Variants in PARP9 observed in about 807,000 individuals in gnomAD.
PARP9 encodes the protein protein mono-ADP-ribosyltransferase PARP9.
In PARP9, 48 loss-of-function variants were observed where a neutral mutation model predicts 68.8. The ratio of observed to expected loss-of-function variants is 0.70; its 90% CI spans 0.55 to 0.89. PARP9 has a LOEUF of 0.89. PARP9 is among the 40% of genes least tolerant of loss of function. The pLI is 0.00. For synonymous variants in PARP9, 309 were observed against 333.8 expected (o/e 0.93, Z 0.81); for missense variants, 806 against 969.3 (o/e 0.83, Z 2.24).
In PARP9 at chr3:122,555,848, A is replaced by C; in HGVS notation, c.323T>G (p.Leu108Arg). ...CAGGGCCAGGCCTCCCCCATGCAGA[A>C]GATCTTCATTGGCTGCATTCACCAC... is the stretch of plus-strand genomic sequence containing the variant. The part of the protein sequence containing the change: ...DAVVNAANED[L>R]LHGGGLALAL... Residue 108 changes from leucine to arginine, a missense_variant, in exon 4 of 11, where the codon CTT becomes CGT. By Grantham distance (102) the Leu-to-Arg change is moderately radical. Transcript: ENST00000682323. 1 of 1,614,086 alleles carries C rather than the reference A, an allele frequency of 6.2e-7. No homozygotes were observed. The highest frequency in any genetic ancestry group is 8.5e-7 in the Non-Finnish European group (1 of 1,180,006).
At chr3:122,563,776 C>A (rs1018630396) in intron 1 of PARP9, among the ~76,000 whole-genome samples, 7 of 152,096 alleles carry the variant, frequency 4.6e-5, no homozygotes, top group Admixed American at 2.0e-4. Context: ...CCCTTGGAGG[C>A]CTTGGAGAAG....
chr3:122,557,121 T>C (rs1330991319), intron 3 of PARP9, among the ~76,000 whole-genome samples: 2 of 152,014 alleles, frequency 1.3e-5, no homozygotes. Context: ...CTGTTATCAA[T>C]TGATGGTAAG....
intron 10 of PARP9, among the ~76,000 whole-genome samples, chr3:122,530,108 T>C (rs778079938): frequency 6.8e-5 from 10 of 146,390 alleles, no homozygotes; most frequent in Non-Finnish European, 1.3e-4. Flanking sequence ...ACTCAGGAGG[T>C]TGAGGTTGCA....
At chr3:122,541,193 T>C (rs1393429639) in intron 7 of PARP9, among the ~76,000 whole-genome samples, 1 of 152,232 alleles carries the variant, frequency 6.6e-6, no homozygotes. Flanking sequence ...CCCGGCCGAC[T>C]AGTGGGTTTT....
intron 7 of PARP9, among the ~76,000 whole-genome samples, chr3:122,541,536 T>C (rs187969671): frequency 6.6e-6 from 1 of 152,342 alleles, no homozygotes; most frequent in Admixed American, 6.5e-5. Flanking sequence ...CAAACATCTC[T>C]GAAAGACACA....
chr3:122,530,783 C>G (rs533246480), intron 10 of PARP9, among the ~76,000 whole-genome samples: 1 of 152,270 alleles, frequency 6.6e-6, no homozygotes, highest in South Asian at 2.1e-4. Context: ...TTTAAAACTT[C>G]CAGGCTGAGT....
upstream of PARP9, chr3:122,564,416 C>T (rs372600946): frequency 1.2e-5 from 20 of 1,602,698 alleles, no homozygotes; most frequent in Non-Finnish European, 1.6e-5. Flanking sequence ...GCCCTCCCGA[C>T]GCGCAGAGCC....
In PARP9 at chr3:122,549,195, T is replaced by C. The variant is rs545256701; in HGVS notation, c.1326+1389A>G. On this transcript the variant is annotated intron_variant, in intron 6 of 10. Coordinates refer to ENST00000682323, the MANE Select transcript of PARP9 (RefSeq NM_001146105.2). Reference sequence around the variant, plus strand: ...ACGCCTGGCTAATTTTTTGTATTTTTAGTAGAAACGGGATTTCATCATGTT... The same window carrying C: ...ACGCCTGGCTAATTTTTTGTATTTTCAGTAGAAACGGGATTTCATCATGTT... Among the ~76,000 whole-genome samples, 4 of 152,186 alleles carry C rather than the reference T, an allele frequency of 2.6e-5. No individual in the cohort carries two copies. The East Asian group carries it at 7.7e-4, about 29-fold the overall frequency.
chr3:122,559,901 T>C (rs1327113066), intron 1 of PARP9, among the ~76,000 whole-genome samples, 192 bp from the exon 2 acceptor site: 1 of 152,200 alleles, frequency 6.6e-6, no homozygotes, highest in Non-Finnish European at 1.5e-5. Context: ...GAGGTTCCAG[T>C]GGAAATCATA....
At chr3:122,544,651 T>C (rs1178446308) in intron 7 of PARP9, among the ~76,000 whole-genome samples, 2 of 151,804 alleles carry the variant, frequency 1.3e-5, no homozygotes, top group Non-Finnish European at 2.9e-5. Context: ...ACCCCGTCTC[T>C]ACCAAAAAAA....
intron 9 of PARP9, 36 bp downstream of exon 9, chr3:122,536,898 C>G (rs2107581672): frequency 6.3e-7 from 1 of 1,584,038 alleles, no homozygotes; most frequent in Non-Finnish European, 8.6e-7. Context: ...TAATTAACAA[C>G]AAAATGAGCC....
chr3:122,538,692 A>ACACACACACT (rs397878021), intron 8 of PARP9, among the ~76,000 whole-genome samples: 1 of 145,794 alleles, frequency 6.9e-6, no homozygotes, highest in Non-Finnish European at 1.5e-5. Context: ...ACACACACAC[A>ACACACACACT]CTCTAACAAA....
chr3:122,564,651 G>T, upstream of PARP9: 5 of 1,561,388 alleles, frequency 3.2e-6, no homozygotes, highest in Non-Finnish European at 4.3e-6. Context: ...AGCCCTCTGG[G>T]GGCCCGGCCC....
At chr3:122,532,375 A>G in intron 10 of PARP9, 3 of 985,314 alleles carry the variant, frequency 3.0e-6, no homozygotes, top group Middle Eastern at 5.2e-4. Flanking sequence ...TGGGAGCCAT[A>G]AGCCAGACAA....
At chr3:122,534,087 G>A in intron 10 of PARP9, 13 of 982,886 alleles carry the variant, frequency 1.3e-5, no homozygotes, top group Non-Finnish European at 1.3e-5. Context: ...TAAGCTAAGG[G>A]ATAGGGAGAA....
At chr3:122,539,507 A>ATTCCTTCCTTTCTTTCTTTC (rs1553714534) in intron 8 of PARP9, among the ~76,000 whole-genome samples, 5 of 133,162 alleles carry the variant, frequency 3.8e-5, no homozygotes, top group South Asian at 2.5e-4. Context: ...CCAAGATGGC[A>ATTCCTTCCTTTCTTTCTTTC]TTTCTTTCTT....
chr3:122,564,567 A>G, upstream of PARP9: 8 of 1,606,438 alleles, frequency 5.0e-6, no homozygotes, highest in Non-Finnish European at 6.8e-6. Flanking sequence ...GCACCCAGGA[A>G]CACGAAGCCC....
At chr3:122,560,602 G>A (rs2080119408) in intron 1 of PARP9, among the ~76,000 whole-genome samples, 2 of 151,962 alleles carry the variant, frequency 1.3e-5, no homozygotes, top group African/African-American at 2.4e-5. Context: ...TAGCCAGCAC[G>A]GTCTCAATCT....
chr3:122,529,458 T>C (rs1005616575), intron 10 of PARP9, among the ~76,000 whole-genome samples: 1 of 151,970 alleles, frequency 6.6e-6, no homozygotes, highest in African/African-American at 2.4e-5. Context: ...CTTAGAACAT[T>C]GTCTGACTTC....
Sources: allele counts gnomAD v4.1 joint callset (sites outside exome capture counted in the v4.1 genomes callset), GRCh38; gene constraint gnomAD v4.1.1; transcripts MANE v1.5; gene names NCBI Gene and HGNC (gene_info 2026-07-23, HGNC 2026-07-21).